AFDN: variants seen among roughly 807,000 people sequenced by gnomAD.
AFDN encodes the protein afadin, adherens junction formation factor.
Under a neutral mutation model 216.6 loss-of-function variants are expected in AFDN, and 68 were observed. The observed-to-expected ratio is 0.31, with a 90% CI of 0.26 to 0.38. The LOEUF (loss-of-function observed/expected upper bound fraction) is 0.38, where lower values mean the gene tolerates loss of function less well. Among genes scored for constraint, AFDN ranks in the 10% least tolerant of loss-of-function variants. The pLI, the probability that AFDN is intolerant of heterozygous loss-of-function variation, is 1.00. For synonymous variants in AFDN, 868 were observed against 853.7 expected (o/e 1.02, Z -0.29); for missense variants, 2,136 against 2,342.0 (o/e 0.91, Z 1.82).
chr6:167,895,144 C>T lies in AFDN; in HGVS notation c.1222+1238C>T, dbSNP rs759731516. On this transcript the variant is annotated intron_variant, in intron 9 of 33. Transcript: ENST00000683244. The stretch of plus-strand genomic sequence containing the variant: ...ATTTTTTTTTTTTTGTAAACCTAGC[C>T]ACCAGGGAGCTCAGAGATGAGGGAG... Among the ~76,000 whole-genome samples the T allele has an allele frequency of 2.6e-5, 4 of 151,334 alleles. 1 individual carries two copies. Among genetic ancestry groups the T allele is most frequent in the African/African-American group, 4.9e-5 (2 of 41,204 alleles).
intron 30 of AFDN, among the ~76,000 whole-genome samples, chr6:167,957,624 A>G (rs553881237): frequency 3.3e-5 from 5 of 152,138 alleles, no homozygotes; most frequent in African/African-American, 4.8e-5. Flanking sequence ...TTTATATCGC[A>G]TGGGCAAATC....
intron 7 of AFDN, among the ~76,000 whole-genome samples, chr6:167,890,205 C>A (rs1359924787): frequency 6.6e-6 from 1 of 152,156 alleles, no homozygotes; most frequent in Non-Finnish European, 1.5e-5. Context: ...AAAAATCTTT[C>A]TCAGCAAGCA....
At chr6:167,915,642 A>G (rs1218105873) in intron 19 of AFDN, among the ~76,000 whole-genome samples, 1 of 152,220 alleles carries the variant, frequency 6.6e-6, no homozygotes, top group Non-Finnish European at 1.5e-5. Flanking sequence ...TGTATGCCAT[A>G]ATTGTTACTG....
chr6:167,851,964 A>G (rs558249794), intron 1 of AFDN, among the ~76,000 whole-genome samples: 1 of 152,360 alleles, frequency 6.6e-6, no homozygotes, highest in South Asian at 2.1e-4. Flanking sequence ...TTTTAGCGTG[A>G]AAATTTTCAA....
chr6:167,880,176 C>G (rs1160665633), intron 5 of AFDN, among the ~76,000 whole-genome samples, 184 bp from the exon 6 acceptor site: 2 of 152,218 alleles, frequency 1.3e-5, no homozygotes, highest in South Asian at 2.1e-4. Context: ...GTCACTAGAT[C>G]AACTAGTTAC....
At chr6:167,943,218 A>G (rs1246341397) in intron 24 of AFDN, 24 bp downstream of exon 24, 1 of 1,598,672 alleles carries the variant, frequency 6.3e-7, no homozygotes, top group Non-Finnish European at 8.6e-7. Context: ...TGAAAGAAGT[A>G]CATTTTCAGT....
intron 23 of AFDN, among the ~76,000 whole-genome samples, chr6:167,942,411 A>G (rs543391365): frequency 2.3e-4 from 35 of 152,356 alleles, no homozygotes; most frequent in African/African-American, 8.2e-4. Context: ...ATAATATCTA[A>G]GTAAGATTTC....
chr6:167,886,005 A>C (rs1371499692), intron 6 of AFDN, among the ~76,000 whole-genome samples: 1 of 152,146 alleles, frequency 6.6e-6, no homozygotes, highest in Non-Finnish European at 1.5e-5. Context: ...AACATGTGTT[A>C]TATGATTAAG....
intron 1 of AFDN, among the ~76,000 whole-genome samples, chr6:167,851,329 T>C (rs889209975): frequency 6.6e-6 from 1 of 152,210 alleles, no homozygotes; most frequent in African/African-American, 2.4e-5. Context: ...GTTACCTAGG[T>C]AAATGTATAT....
Position 167,946,747 on chromosome 6 carries a change from T to C in AFDN, c.3399T>C (p.Ser1133=), listed in dbSNP as rs1795312394. The C allele has an allele frequency of 3.7e-6, 6 of 1,613,784 alleles. No homozygotes were observed. Among genetic ancestry groups the C allele is most frequent in the Non-Finnish European group, 5.1e-6 (6 of 1,179,938 alleles). ...RRGSGKPRPK[S]EGFELYNNST... ...GCTCAGGTAAACCCCGACCAAAGAGTGAAGGCTTTGAGCTCTATAATAATT... is the reference window on the plus strand; with the variant it reads ...GCTCAGGTAAACCCCGACCAAAGAGCGAAGGCTTTGAGCTCTATAATAATT... The change falls in exon 27 of 34, where the codon AGT becomes AGC. Residue 1133 remains serine (S), a synonymous_variant. Coordinates refer to ENST00000683244, the MANE Select transcript of AFDN (RefSeq NM_001386888.1).
chr6:167,869,738 A>G (rs1374824495), intron 2 of AFDN, among the ~76,000 whole-genome samples: 1 of 152,238 alleles, frequency 6.6e-6, no homozygotes, highest in Non-Finnish European at 1.5e-5. Context: ...GTGGAGTACC[A>G]TGTTCCTGAT....
chr6:167,923,328 A>G lies in AFDN; in HGVS notation c.3012+369A>G, dbSNP rs78601404. 3.1e-4 allele frequency: 49 copies of G among 155,700 alleles called. No individual in the cohort carries two copies. The East Asian group carries it at 9.1e-3, about 29-fold the overall frequency. 9.6% of individuals were successfully genotyped at this position (155,700 alleles called of 1,614,324 possible). A position where few individuals can be genotyped will look rare whatever the true frequency, so the allele number is the denominator to read the frequency against. On this transcript the variant is annotated intron_variant, in intron 22 of 33. Coordinates refer to ENST00000683244, the MANE Select transcript of AFDN (RefSeq NM_001386888.1). ...TATAGTCAGTTCTGCCTTGTCTTAA[A>G]TATATATCAAGCCATTTAGTAATAT...
chr6:167,882,689 G>A (rs969069504), intron 6 of AFDN, among the ~76,000 whole-genome samples: 1 of 151,938 alleles, frequency 6.6e-6, no homozygotes, highest in African/African-American at 2.4e-5. Flanking sequence ...ATGGAGAGAC[G>A]GAAGTTATCA....
At chr6:167,831,259 A>G (rs561862717) in intron 1 of AFDN, among the ~76,000 whole-genome samples, 1 of 152,314 alleles carries the variant, frequency 6.6e-6, no homozygotes, top group Non-Finnish European at 1.5e-5. Flanking sequence ...ATTTTTAAAT[A>G]TTGGTACTGC....
At chr6:167,957,250 G>C (rs1796614617) in intron 30 of AFDN, among the ~76,000 whole-genome samples, 1 of 152,210 alleles carries the variant, frequency 6.6e-6, no homozygotes, top group African/African-American at 2.4e-5. Flanking sequence ...TGGCCTCACT[G>C]TGTCCTGTGT....
At chr6:167,897,060 G>A in intron 10 of AFDN, 88 bp downstream of exon 10, 4 of 635,716 alleles carry the variant, frequency 6.3e-6, no homozygotes, top group Middle Eastern at 2.5e-4. Context: ...AATGAAAGAA[G>A]GAATTATAAT....
intron 23 of AFDN, among the ~76,000 whole-genome samples, chr6:167,926,785 T>C (rs1298110769): frequency 2.0e-5 from 3 of 150,118 alleles, no homozygotes; most frequent in African/African-American, 7.6e-5. Flanking sequence ...CAGGGTACTT[T>C]TAGAACTGGA....
intron 2 of AFDN, among the ~76,000 whole-genome samples, chr6:167,869,508 A>G (rs1048281021): frequency 1.3e-5 from 2 of 152,222 alleles, no homozygotes; most frequent in Non-Finnish European, 2.9e-5. Flanking sequence ...TCCGAGCGAC[A>G]AGGAGAATTC....
chr6:167,892,510 G>T (rs1167899191), intron 8 of AFDN, among the ~76,000 whole-genome samples: 2 of 152,130 alleles, frequency 1.3e-5, no homozygotes, highest in South Asian at 2.1e-4. Context: ...AATTTTTGAG[G>T]ATCTAAGAGT....
Sources: allele counts gnomAD v4.1 joint callset (sites outside exome capture counted in the v4.1 genomes callset), GRCh38; gene constraint gnomAD v4.1.1; transcripts MANE v1.5; gene names NCBI Gene and HGNC (gene_info 2026-07-23, HGNC 2026-07-21).